The following MYO18B variants were observed in gnomAD, a reference collection of about 807,000 sequenced individuals.
MYO18B encodes unconventional myosin-XVIIIb.
Under a neutral mutation model 273.0 loss-of-function variants are expected in MYO18B, and 204 were observed. The observed-to-expected ratio is 0.75, with a 90% CI of 0.67 to 0.84. The LOEUF is 0.84. Ranked by LOEUF, MYO18B falls within the 40% of genes least tolerant of loss-of-function variation. MYO18B has a pLI of 0.00. For missense variants in MYO18B, 3,212 were observed against 3,287.6 expected (o/e 0.98, Z 0.56); for synonymous variants, 1,330 against 1,305.7 (o/e 1.02, Z -0.40).
chr22:25,757,757 C>T (rs1410603297), intron 1 of MYO18B, among the ~76,000 whole-genome samples: 3 of 152,176 alleles, frequency 2.0e-5, no homozygotes, highest in Non-Finnish European at 4.4e-5. Flanking sequence ...ACACCTTCCT[C>T]CACTCAAGAC....
intron 33 of MYO18B, among the ~76,000 whole-genome samples, chr22:25,913,727 A>C (rs549290207): frequency 8.5e-5 from 13 of 152,206 alleles, no homozygotes; most frequent in African/African-American, 3.1e-4. Context: ...CTTTTTCTCT[A>C]TTGATCATTC....
chr22:25,933,914 A>T (rs1486965745), intron 34 of MYO18B, among the ~76,000 whole-genome samples: 2 of 152,234 alleles, frequency 1.3e-5, no homozygotes, highest in Non-Finnish European at 2.9e-5. Flanking sequence ...ACTACAAAAT[A>T]AATTTCCAAG....
rs533048068 is a variant in MYO18B at position 25,823,444 on chromosome 22, G to A, written c.2522-61G>A. ...CTGAGATTCTCCGAGGTCCTCTCGGGTGTTCATTCACCCCATGCCCAAGGC... is the reference window on the plus strand; with the variant it reads ...CTGAGATTCTCCGAGGTCCTCTCGGATGTTCATTCACCCCATGCCCAAGGC... On this transcript the variant is annotated intron_variant, in intron 12 of 43. Coordinates refer to ENST00000335473, the MANE Select transcript of MYO18B (RefSeq NM_032608.7). 646 of 1,541,990 alleles carry A rather than the reference G, an allele frequency of 4.2e-4. 1 individual carries two copies. Among genetic ancestry groups the A allele is most frequent in the Non-Finnish European group, 5.0e-4 (571 of 1,135,286 alleles).
At chr22:25,801,140 GT>G (rs750496183) in intron 12 of MYO18B, among the ~76,000 whole-genome samples, 8 of 151,022 alleles carry the variant, frequency 5.3e-5, no homozygotes, top group East Asian at 1.9e-4. Context: ...CATTAATCAG[GT>G]TTTTTTTTCA....
intron 28 of MYO18B, 68 bp downstream of exon 28, chr22:25,895,348 G>T: frequency 6.5e-7 from 1 of 1,526,776 alleles, no homozygotes; most frequent in Non-Finnish European, 8.9e-7. Context: ...CTCCACTGTG[G>T]GTGATCGAGG....
At chr22:26,028,845 G>A (rs1194129074) in intron 43 of MYO18B, among the ~76,000 whole-genome samples, 1 of 136,568 alleles carries the variant, frequency 7.3e-6, no homozygotes, top group East Asian at 2.1e-4. Flanking sequence ...CCGAGATCTC[G>A]CCACTGCACT....
rs957636201 is a variant in MYO18B at position 25,953,030 on chromosome 22, ACT to A, written c.5970+610_5970+611del. Reference sequence around the variant, plus strand: ...TTTAGAGGATAGAGATCTTTTCAAGACTCTGGAATCAGGAGGGCTTCTGGGAG... The same window carrying A: ...TTTAGAGGATAGAGATCTTTTCAAGACTGGAATCAGGAGGGCTTCTGGGAG... On this transcript the variant is annotated intron_variant, in intron 38 of 43. Coordinates refer to ENST00000335473, the MANE Select transcript of MYO18B (RefSeq NM_032608.7). 1.5e-4 allele frequency among the ~76,000 whole-genome samples: 23 copies of A among 152,200 alleles called. 1 individual carries two copies. Among genetic ancestry groups the A allele is most frequent in the Admixed American group, 1.5e-3 (23 of 15,284 alleles).
intron 42 of MYO18B, among the ~76,000 whole-genome samples, chr22:26,014,712 C>G (rs561239716): frequency 6.6e-6 from 1 of 152,192 alleles, no homozygotes; most frequent in Non-Finnish European, 1.5e-5. Context: ...TCTGCAACCT[C>G]ACCAGCACCT....
Position 25,828,942 on chromosome 22 carries a change from G to A in MYO18B, c.2953G>A (p.Val985Ile). Residue 985 changes from valine (V) to isoleucine (I), a missense_variant, in exon 15 of 44, where the codon GTC becomes ATC. Val to Ile is a conservative substitution (Grantham distance 29, BLOSUM62 3). Transcript: ENST00000335473. ...GCTGCTGTTCTACCAGCGGACCTTT[G>A]TCTCCACGCTACAGCGATATCAAGA... is the stretch of plus-strand genomic sequence containing the variant. ...LQLLFYQRTF[V>I]STLQRYQEEG... The A allele has an allele frequency of 6.2e-7, 1 of 1,613,968 alleles. No individual in the cohort carries two copies. Among genetic ancestry groups the A allele is most frequent in the Non-Finnish European group, 8.5e-7 (1 of 1,179,900 alleles).
At position 25,866,864 on chromosome 22, in the gene MYO18B, A is replaced by G. The variant is rs570562794; in HGVS notation, c.3886-1456A>G. ...CACAGGCTCCTCTGCCATAATGTAG[A>G]TCAGGCAGGTGAGGTTATTGACCAT... On this transcript the variant is annotated intron_variant, in intron 21 of 43. Transcript: ENST00000335473. Among the ~76,000 whole-genome samples the G allele has an allele frequency of 1.3e-4, 20 of 151,862 alleles. No homozygotes were observed. The South Asian group carries it at 4.0e-3, about 30-fold the overall frequency.
intron 21 of MYO18B, among the ~76,000 whole-genome samples, chr22:25,861,287 G>C (rs544907544): frequency 6.6e-6 from 1 of 152,260 alleles, no homozygotes; most frequent in Non-Finnish European, 1.5e-5. Context: ...GTCATTCTAT[G>C]CATTTTTGCT....
intron 27 of MYO18B, among the ~76,000 whole-genome samples, chr22:25,892,901 G>T (rs9620565): frequency 6.6e-6 from 1 of 152,118 alleles, no homozygotes; most frequent in Non-Finnish European, 1.5e-5. Context: ...TTCCATCTGC[G>T]TGAAATTCAT....
At chr22:25,871,801 AAAAAAC>A (rs2091054446) in intron 22 of MYO18B, among the ~76,000 whole-genome samples, 1 of 152,180 alleles carries the variant, frequency 6.6e-6, no homozygotes. Flanking sequence ...AACAAAAAAC[AAAAAAC>A]AAAAAACCAG....
At chr22:25,877,517 G>T (rs1206470983) in intron 24 of MYO18B, among the ~76,000 whole-genome samples, 1 of 152,082 alleles carries the variant, frequency 6.6e-6, no homozygotes, top group Admixed American at 6.5e-5. Flanking sequence ...GCCCAGGCTG[G>T]AGTGCAGTGG....
chr22:25,777,607 C>T lies in MYO18B; in HGVS notation c.1894C>T (p.Leu632=), dbSNP rs2086965887. ...GKVPKGRRDG[L]PAHIGSMAQR... is the part of the protein sequence containing the mutation. ...GGTGCCCAAGGGCCGCCGGGATGGC[C>T]TGCCTGCCCACATTGGCTCCATGGC... Residue 632 remains leucine (L), a synonymous_variant, in exon 8 of 44, where the codon CTG becomes TTG. Coordinates refer to ENST00000335473, the MANE Select transcript of MYO18B (RefSeq NM_032608.7). 1.9e-6 allele frequency: 3 copies of T among 1,599,474 alleles called. No individual in the cohort carries two copies. The highest frequency in any genetic ancestry group is 2.6e-6 in the Non-Finnish European group (3 of 1,173,326).
intron 28 of MYO18B, chr22:25,896,894 C>T (rs1244337298): frequency 6.6e-6 from 1 of 152,148 alleles, no homozygotes; most frequent in African/African-American, 2.4e-5. Flanking sequence ...TAGCTCTGTG[C>T]ATCTCTTTCA....
chr22:25,868,036 CT>C (rs1310432909), intron 21 of MYO18B, among the ~76,000 whole-genome samples: 1 of 152,220 alleles, frequency 6.6e-6, no homozygotes, highest in Non-Finnish European at 1.5e-5. Context: ...ACTGATTTCC[CT>C]AACAGCTGCA....
At chr22:25,893,977 A>G (rs1263109680) in intron 27 of MYO18B, among the ~76,000 whole-genome samples, 3 of 152,068 alleles carry the variant, frequency 2.0e-5, no homozygotes, top group East Asian at 1.9e-4. Flanking sequence ...CCAACCAACT[A>G]TTTATCCATT....
At chr22:25,799,978 T>C (rs62224703) in intron 12 of MYO18B, among the ~76,000 whole-genome samples, 20 of 104,510 alleles carry the variant, frequency 1.9e-4, no homozygotes, top group South Asian at 3.2e-4. Flanking sequence ...TATATATATA[T>C]ACACACACAC....
Sources: gnomAD v4.1 joint callset for allele counts (sites outside exome capture counted in the v4.1 genomes callset) on GRCh38, gnomAD v4.1.1 for gene constraint, MANE v1.5 for transcripts, NCBI Gene and HGNC (gene_info 2026-07-23, HGNC 2026-07-21) for gene names.